The following WWOX variants were observed in gnomAD, a reference collection of about 807,000 sequenced individuals.
WWOX encodes WW domain-containing oxidoreductase.
A neutral mutation model predicts 46.2 loss-of-function variants in WWOX; 69 were observed. The observed-to-expected ratio is 1.49, with a 90% CI of 1.23 to 1.82. The LOEUF is 1.82. Among genes scored for constraint, WWOX ranks in the 40% most tolerant of loss-of-function variants. The pLI is 0.00. For missense variants in WWOX, 919 were observed against 542.6 expected (o/e 1.69, Z -6.89); for synonymous variants, 359 against 202.6 (o/e 1.77, Z -6.56).
At chr16:78,396,229 AC>A (rs1202073426) in intron 6 of WWOX, among the ~76,000 whole-genome samples, 4 of 152,226 alleles carry the variant, frequency 2.6e-5, no homozygotes, top group Admixed American at 2.0e-4. Context: ...TATGATGCCA[AC>A]CTTCAAAAAC....
chr16:78,346,764 G>T lies in WWOX; in HGVS notation c.517-40096G>T, dbSNP rs551811214. ...CTGTTGCCCAGTCTGGAGAGCAGTG[G>T]TGTGATCTTGGTTTACTGCAACCTC... is the stretch of plus-strand genomic sequence containing the variant. On this transcript the variant is annotated intron_variant, in intron 5 of 8. Transcript: ENST00000566780. 1.0e-3 allele frequency among the ~76,000 whole-genome samples: 124 copies of T among 120,820 alleles called. 35 individuals carry two copies. The highest frequency in any genetic ancestry group is 2.1e-3 in the Non-Finnish European group (108 of 50,536). The allele number at this position is 120,820 out of a possible 152,430, so 79.3% of individuals were successfully genotyped here. A position where few individuals can be genotyped will look rare whatever the true frequency, so the allele number is the denominator to read the frequency against.
At chr16:78,189,528 A>G (rs944319559) in intron 5 of WWOX, among the ~76,000 whole-genome samples, 1 of 152,264 alleles carries the variant, frequency 6.6e-6, no homozygotes, top group Non-Finnish European at 1.5e-5. Context: ...CACAGAGGGC[A>G]TATACCATTG....
intron 8 of WWOX, among the ~76,000 whole-genome samples, chr16:79,034,098 A>C (rs1018784854): frequency 6.6e-6 from 1 of 152,140 alleles, no homozygotes; most frequent in African/African-American, 2.4e-5. Context: ...TGGGCCAGGG[A>C]ACTGAATGGG....
chr16:78,193,934 G>A (rs1218142590), intron 5 of WWOX, among the ~76,000 whole-genome samples: 1 of 150,968 alleles, frequency 6.6e-6, no homozygotes. Context: ...CTGGAGTGCA[G>A]TGGCGTGATC....
chr16:78,122,425 C>A (rs1432865287), intron 4 of WWOX, among the ~76,000 whole-genome samples: 1 of 151,804 alleles, frequency 6.6e-6, no homozygotes, highest in Non-Finnish European at 1.5e-5. Context: ...TGGGTCAAAC[C>A]CATAATTAAA....
chr16:78,249,194 A>T (rs1427302216), intron 5 of WWOX, among the ~76,000 whole-genome samples: 1 of 152,082 alleles, frequency 6.6e-6, no homozygotes, highest in Non-Finnish European at 1.5e-5. Flanking sequence ...GAATGGTTAA[A>T]TGTCTTTCCC....
chr16:78,177,314 C>T (rs985522675), intron 5 of WWOX, among the ~76,000 whole-genome samples: 2 of 152,108 alleles, frequency 1.3e-5, no homozygotes, highest in Non-Finnish European at 2.9e-5. Context: ...CTATTACGTG[C>T]TAGGTGGTAG....
At chr16:78,798,865 G>C (rs546320587) in intron 8 of WWOX, among the ~76,000 whole-genome samples, 1 of 152,138 alleles carries the variant, frequency 6.6e-6, no homozygotes, top group Non-Finnish European at 1.5e-5. Context: ...ACTGAATACA[G>C]ATTAGGCAGT....
chr16:78,849,376 C>G (rs374460538), intron 8 of WWOX, among the ~76,000 whole-genome samples: 16 of 151,284 alleles, frequency 1.1e-4, no homozygotes, highest in African/African-American at 3.9e-4. Flanking sequence ...TCGAGACTAT[C>G]CTGGCTAACA....
intron 8 of WWOX, among the ~76,000 whole-genome samples, chr16:78,577,663 C>T (rs1024995227): frequency 1.3e-5 from 2 of 152,166 alleles, no homozygotes; most frequent in African/African-American, 4.8e-5. Context: ...TCATTTTCAC[C>T]TTCTCAAAGA....
Position 79,020,975 on chromosome 16 carries a change from C to A in WWOX, c.1057-190633C>A, listed in dbSNP as rs546322528. Among the ~76,000 whole-genome samples, 31 of 152,150 alleles carry A rather than the reference C, an allele frequency of 2.0e-4. 1 individual carries two copies. Among genetic ancestry groups the A allele is most frequent in the Non-Finnish European group, 4.0e-4 (27 of 67,998 alleles). ...ATTCTTGACATCAAATTGTGGGTAG[C>A]TAAATAGGTCACCCCAAGTTATTCA... On this transcript the variant is annotated intron_variant, in intron 8 of 8. Transcript: ENST00000566780.
intron 5 of WWOX, among the ~76,000 whole-genome samples, chr16:78,362,485 T>A (rs2081432243): frequency 6.6e-6 from 1 of 152,102 alleles, no homozygotes; most frequent in Non-Finnish European, 1.5e-5. Flanking sequence ...GGCAGGCATC[T>A]GTTGTTCCAG....
chr16:79,081,016 C>G (rs771507733), intron 8 of WWOX, among the ~76,000 whole-genome samples: 1 of 152,096 alleles, frequency 6.6e-6, no homozygotes, highest in South Asian at 2.1e-4. Flanking sequence ...GCACACCCAC[C>G]AGGCTCTTCT....
intron 4 of WWOX, among the ~76,000 whole-genome samples, chr16:78,148,897 CAAAAAA>C (rs34225165): frequency 1.1e-4 from 6 of 53,234 alleles, no homozygotes; most frequent in Admixed American, 3.1e-4. Context: ...GACTCCGTCT[CAAAAAA>C]AAAAAAAAAA....
chr16:78,263,996 CT>C (rs757195574), intron 5 of WWOX, among the ~76,000 whole-genome samples: 971 of 78,844 alleles, frequency 0.012, 47 homozygotes, highest in Admixed American at 0.11. Flanking sequence ...GCTGTGAAAT[CT>C]TTTTTTTTTT....
chr16:78,346,327 G>A (rs979151622), intron 5 of WWOX, among the ~76,000 whole-genome samples: 3 of 121,108 alleles, frequency 2.5e-5, no homozygotes, highest in Admixed American at 2.4e-4. Context: ...GTTGTAAATG[G>A]ATACTAATGT....
rs1345035425 is a variant in WWOX, at chr16:78,115,154, G to C, written c.409G>C (p.Gly137Arg). ...VVVTGANSGI[G>R]FETAKSFALH... ...GGTCACTGGAGCTAATTCAGGAATA[G>C]GTAGGCTCTTCACTTAGTTATTTAT... is the stretch of plus-strand genomic sequence containing the variant. The change falls in exon 4 of 9, where the codon GGG (glycine) becomes CGG (arginine). Residue 137 changes from glycine to arginine, a missense_variant and splice_region_variant. Physicochemically the swap from Gly to Arg is moderately radical, Grantham distance 125. Transcript: ENST00000566780. The C allele has an allele frequency of 1.9e-6, 3 of 1,614,162 alleles. No individual in the cohort carries two copies. Among genetic ancestry groups the C allele is most frequent in the Non-Finnish European group, 2.5e-6 (3 of 1,180,022 alleles).
At chr16:78,275,039 C>A (rs2079550862) in intron 5 of WWOX, among the ~76,000 whole-genome samples, 1 of 152,138 alleles carries the variant, frequency 6.6e-6, no homozygotes, top group African/African-American at 2.4e-5. Flanking sequence ...GCACTGAGCT[C>A]CCATGATATA....
chr16:78,657,190 C>G (rs1559289), intron 8 of WWOX, among the ~76,000 whole-genome samples: 1 of 152,184 alleles, frequency 6.6e-6, no homozygotes, highest in Non-Finnish European at 1.5e-5. Context: ...CATTTTTACT[C>G]TGAGTCTGTC....
Sources: allele counts gnomAD v4.1 joint callset (sites outside exome capture counted in the v4.1 genomes callset), GRCh38; gene constraint gnomAD v4.1.1; transcripts MANE v1.5; gene names NCBI Gene and HGNC (gene_info 2026-07-23, HGNC 2026-07-21).